Variants in HECW2 observed in about 807,000 individuals in gnomAD.
HECW2 encodes the protein E3 ubiquitin-protein ligase HECW2.
HECW2 carries 61 observed loss-of-function variants against 175.2 expected under a neutral mutation model. The observed-to-expected ratio is 0.35, with a 90% confidence interval of 0.28 to 0.43. The LOEUF (loss-of-function observed/expected upper bound fraction) is 0.43, where lower values mean the gene tolerates loss of function less well. HECW2 is among the 20% of genes least tolerant of loss of function. The probability of loss-of-function intolerance (pLI) is 1.00; values close to 1 mark genes in which losing one functional copy is unlikely to be tolerated. For synonymous variants in HECW2, 671 were observed against 731.0 expected (o/e 0.92, Z 1.32); for missense variants, 1,524 against 2,000.5 (o/e 0.76, Z 4.54).
chr2:196,305,461 TAC>T (rs1199173493), intron 13 of HECW2, among the ~76,000 whole-genome samples: 10 of 152,158 alleles, frequency 6.6e-5, no homozygotes, highest in Non-Finnish European at 1.0e-4. Context: ...TATTAATATA[TAC>T]TAATTACCTC....
intron 1 of HECW2, among the ~76,000 whole-genome samples, chr2:196,508,039 G>A (rs1396143490): frequency 2.0e-5 from 3 of 152,142 alleles, no homozygotes; most frequent in Non-Finnish European, 4.4e-5. Flanking sequence ...TTTAAATATT[G>A]TTTTCTTATG....
chr2:196,242,554 C>T, intron 19 of HECW2: 1 of 222,366 alleles, frequency 4.5e-6, no homozygotes, highest in Non-Finnish European at 9.1e-6. Context: ...TTGCTTGCTG[C>T]TGAAATGATA....
intron 14 of HECW2, among the ~76,000 whole-genome samples, chr2:196,279,205 C>T (rs567925165): frequency 1.3e-5 from 2 of 152,208 alleles, no homozygotes; most frequent in African/African-American, 4.8e-5. Flanking sequence ...CCCACCACCA[C>T]GCCCGGCTAA....
chr2:196,383,451 C>T (rs1348441694), intron 2 of HECW2, among the ~76,000 whole-genome samples: 1 of 151,988 alleles, frequency 6.6e-6, no homozygotes. Flanking sequence ...AGAAAAGAGC[C>T]TAGGAGAGAA....
intron 15 of HECW2, among the ~76,000 whole-genome samples, chr2:196,277,937 T>G (rs1168103712): frequency 8.6e-6 from 1 of 116,122 alleles, no homozygotes; most frequent in Non-Finnish European, 1.7e-5. Flanking sequence ...GTGAGAACAC[T>G]TGGACACAGG....
chr2:196,433,063 A>C (rs1019685003), intron 2 of HECW2, 69 bp downstream of exon 2: 2 of 1,423,634 alleles, frequency 1.4e-6, no homozygotes, highest in African/African-American at 2.9e-5. Context: ...AAAATACAGA[A>C]TGGTAAAAAT....
intron 2 of HECW2, among the ~76,000 whole-genome samples, chr2:196,390,146 G>A (rs1694463408): frequency 6.6e-6 from 1 of 152,128 alleles, no homozygotes; most frequent in Admixed American, 6.6e-5. Context: ...AACTCCATGA[G>A]GTAGACCCTA....
intron 2 of HECW2, among the ~76,000 whole-genome samples, chr2:196,414,528 T>G (rs572900097): frequency 6.6e-6 from 1 of 152,192 alleles, no homozygotes; most frequent in Admixed American, 6.5e-5. Context: ...TCTCTTTCCC[T>G]CAAAGGGGCC....
intron 21 of HECW2, among the ~76,000 whole-genome samples, chr2:196,232,227 C>A (rs1688086053): frequency 6.6e-6 from 1 of 152,126 alleles, no homozygotes; most frequent in African/African-American, 2.4e-5. Context: ...TGGGATTTTG[C>A]CTGCTTAAAA....
intron 1 of HECW2, among the ~76,000 whole-genome samples, chr2:196,438,578 C>T (rs16851558): frequency 0.041 from 6,306 of 152,262 alleles, 161 homozygotes; most frequent in South Asian, 0.098. Context: ...TCCTTTTCAA[C>T]TCCATTGATC....
At chr2:196,400,612 C>G (rs1447980565) in intron 2 of HECW2, among the ~76,000 whole-genome samples, 1 of 151,968 alleles carries the variant, frequency 6.6e-6, no homozygotes, top group Non-Finnish European at 1.5e-5. Context: ...CTGTATTGTC[C>G]CAGCACAAAG....
chr2:196,468,795 GGGA>G (rs1416468034), intron 1 of HECW2, among the ~76,000 whole-genome samples: 1 of 152,186 alleles, frequency 6.6e-6, no homozygotes, highest in Non-Finnish European at 1.5e-5. Flanking sequence ...GGGAAGCAAA[GGGA>G]AGGATGATAT....
intron 14 of HECW2, among the ~76,000 whole-genome samples, chr2:196,283,261 C>CAAAAAA (rs1190850443): frequency 4.4e-5 from 2 of 45,286 alleles, no homozygotes; most frequent in Non-Finnish European, 7.6e-5. Context: ...GACTCCATCT[C>CAAAAAA]AAAAAAAAAA....
chr2:196,491,491 T>TATATATATATACAC (rs1687193442), intron 1 of HECW2, among the ~76,000 whole-genome samples: 1 of 58,400 alleles, frequency 1.7e-5, no homozygotes, highest in Non-Finnish European at 3.2e-5. Flanking sequence ...TATATACACA[T>TATATATATATACAC]ATATATATAT....
At position 196,203,477 on chromosome 2, in the gene HECW2, C is replaced by T. The variant is rs532682577; in HGVS notation, c.4608-2089G>A. Among the ~76,000 whole-genome samples the T allele has an allele frequency of 5.6e-4, 85 of 152,210 alleles. 1 individual carries two copies. The highest frequency in any genetic ancestry group is 1.8e-3 in the African/African-American group (73 of 41,548). On this transcript the variant is annotated intron_variant, in intron 28 of 28. Coordinates refer to ENST00000644978, the MANE Select transcript of HECW2 (RefSeq NM_001348768.2). ...GAGGAAGAAGCAGAAAAGTAGAATA[C>T]GTTTTGAATATAATTCTATGCCAAA...
At chr2:196,253,806 C>T in intron 19 of HECW2, 114 bp downstream of exon 19, 5 of 932,088 alleles carry the variant, frequency 5.4e-6, no homozygotes, top group Non-Finnish European at 8.5e-6. Context: ...TCTGTGCTAA[C>T]ACCAAAGATG....
chr2:196,315,299 T>C (rs934244789), intron 10 of HECW2, among the ~76,000 whole-genome samples: 1 of 152,150 alleles, frequency 6.6e-6, no homozygotes, highest in Non-Finnish European at 1.5e-5. Context: ...TTAAATAAAT[T>C]AGCACAGATA....
intron 2 of HECW2, among the ~76,000 whole-genome samples, chr2:196,407,313 A>G (rs550485633): frequency 9.9e-5 from 15 of 151,882 alleles, no homozygotes; most frequent in African/African-American, 2.9e-4. Context: ...AGCTGGGACT[A>G]GAAGTGCATG....
chr2:196,491,493 T>C (rs565202229), intron 1 of HECW2, among the ~76,000 whole-genome samples: 2 of 120,396 alleles, frequency 1.7e-5, no homozygotes, highest in African/African-American at 9.4e-5. Context: ...TATACACATA[T>C]ATATATATAC....
Sources: allele counts gnomAD v4.1 joint callset (sites outside exome capture counted in the v4.1 genomes callset), GRCh38; gene constraint gnomAD v4.1.1; transcripts MANE v1.5; gene names NCBI Gene and HGNC (gene_info 2026-07-23, HGNC 2026-07-21).